The following DAGLA variants were observed in gnomAD, a reference collection of about 807,000 sequenced individuals.
The protein encoded by DAGLA is diacylglycerol lipase alpha.
In DAGLA, 22 loss-of-function variants were observed where a neutral mutation model predicts 102.6. That is an observed-to-expected ratio of 0.21 (90% CI 0.15 to 0.31). The LOEUF (loss-of-function observed/expected upper bound fraction) is 0.31. DAGLA is among the 10% of genes least tolerant of loss of function. The pLI is 1.00. For synonymous variants in DAGLA, 578 were observed against 628.9 expected (o/e 0.92, Z 1.21); for missense variants, 927 against 1,446.6 (o/e 0.64, Z 5.83).
In DAGLA at chr11:61,732,310, C is replaced by T. The variant is rs925106935; in HGVS notation, c.974+869C>T. On this transcript the variant is annotated intron_variant, in intron 9 of 19. Transcript: ENST00000257215. ...TGTCCTCAGAAAGCTGGGTGGCTCT[C>T]GGGGCCTTATTCTCACCATCCCTCC... 4.6e-5 allele frequency among the ~76,000 whole-genome samples: 7 copies of T among 152,190 alleles called. No individual in the cohort carries two copies. The East Asian group carries it at 1.2e-3, about 25-fold the overall frequency.
At chr11:61,695,577 G>A (rs931869904) in intron 1 of DAGLA, among the ~76,000 whole-genome samples, 12 of 152,206 alleles carry the variant, frequency 7.9e-5, no homozygotes, top group Admixed American at 3.9e-4. Context: ...CAGCCAACTG[G>A]TCTGGCGAGT....
In DAGLA at chr11:61,744,707, A is replaced by G; in HGVS notation, c.*218A>G. 1.9e-6 allele frequency: 1 copy of G among 532,616 alleles called. No homozygotes were observed. The highest frequency in any genetic ancestry group is 3.3e-6 in the Non-Finnish European group (1 of 303,526). The allele number at this position is 532,616 out of a possible 1,614,324, so 33.0% of individuals were successfully genotyped here. The stretch of plus-strand genomic sequence containing the variant: ...GATCTGGCCCCACAGATGGGGAAAG[A>G]TGGGGAAGGGTGTGGAGTGGGGAGG... On this transcript the variant is annotated 3_prime_UTR_variant, in exon 20 of 20. Coordinates refer to ENST00000257215, the MANE Select transcript of DAGLA (RefSeq NM_006133.3).
At chr11:61,737,824 C>CTCT in intron 15 of DAGLA, 69 bp downstream of exon 15, 1 of 1,320,332 alleles carries the variant, frequency 7.6e-7, no homozygotes, top group Admixed American at 1.7e-5. Context: ...CTCTCCCCAC[C>CTCT]CCCAGCCCCC....
intron 1 of DAGLA, among the ~76,000 whole-genome samples, chr11:61,692,816 C>T (rs1266407379): frequency 6.6e-6 from 1 of 151,516 alleles, no homozygotes; most frequent in Non-Finnish European, 1.5e-5. Flanking sequence ...TGGACTACTC[C>T]ACAATAATGA....
At chr11:61,720,303 A>C (rs1241819911) in intron 2 of DAGLA, 53 bp downstream of exon 2, 1 of 1,552,936 alleles carries the variant, frequency 6.4e-7, no homozygotes, top group Non-Finnish European at 8.9e-7. Flanking sequence ...AAAGGTCTGG[A>C]AGGACGCTTT....
At position 61,723,504 on chromosome 11, in the gene DAGLA, G is replaced by A. The variant is rs751728486; in HGVS notation, c.480G>A (p.Thr160=). The A allele has an allele frequency of 2.5e-6, 4 of 1,614,042 alleles. No homozygotes were observed. The highest frequency in any genetic ancestry group is 1.3e-5 in the African/African-American group (1 of 75,016). ...CITVLCVFDP[T]GRTFVKLRAT... Reference sequence around the variant, plus strand: ...CTGTCCTCTGCGTCTTCGACCCCACGGGCCGCACCTTTGTCAAGCTGAGAG... The same window carrying A: ...CTGTCCTCTGCGTCTTCGACCCCACAGGCCGCACCTTTGTCAAGCTGAGAG... Residue 160 remains threonine, a synonymous_variant, in exon 5 of 20, where the codon ACG becomes ACA. Coordinates refer to ENST00000257215, the MANE Select transcript of DAGLA (RefSeq NM_006133.3).
At chr11:61,687,921 C>T (rs2064998125) in intron 1 of DAGLA, among the ~76,000 whole-genome samples, 1 of 152,106 alleles carries the variant, frequency 6.6e-6, no homozygotes, top group Admixed American at 6.5e-5. Flanking sequence ...CCTCAGTTGC[C>T]CTGTCTGTAT....
chr11:61,743,404 A>ACAT (rs1038333881), intron 19 of DAGLA, 128 bp from the exon 20 acceptor site: 35 of 636,698 alleles, frequency 5.5e-5, no homozygotes, highest in Non-Finnish European at 8.2e-5. Flanking sequence ...TCCCTGCTGC[A>ACAT]CATCATCAAC....
chr11:61,728,439 C>A, intron 7 of DAGLA, 152 bp downstream of exon 7: 1 of 906,056 alleles, frequency 1.1e-6, no homozygotes, highest in East Asian at 2.6e-5. Flanking sequence ...ACCTTTACCT[C>A]TGGCTCCCCC....
intron 1 of DAGLA, among the ~76,000 whole-genome samples, chr11:61,714,565 G>A (rs2065220906): frequency 6.6e-6 from 1 of 152,272 alleles, no homozygotes; most frequent in African/African-American, 2.4e-5. Flanking sequence ...TCCCTGTGGT[G>A]ACACGCTACT....
chr11:61,699,348 G>A (rs1298394811), intron 1 of DAGLA, among the ~76,000 whole-genome samples: 1 of 152,178 alleles, frequency 6.6e-6, no homozygotes, highest in Non-Finnish European at 1.5e-5. Flanking sequence ...GAGAGTGTGT[G>A]GGCCAGACCT....
rs1166562117 is a variant in DAGLA, at chr11:61,735,683, C to T, written c.1212+39C>T. 3 of 1,611,764 alleles carry T rather than the reference C, an allele frequency of 1.9e-6. No homozygotes were observed. The South Asian group carries it at 3.3e-5, about 18-fold the overall frequency. The stretch of plus-strand genomic sequence containing the variant: ...GGCTCCCAGCCCCCGGGGGTGCCTG[C>T]CTCCCTCTTCCTGTCCTCTTTAGCC... On this transcript the variant is annotated intron_variant, in intron 11 of 19. Transcript: ENST00000257215.
At chr11:61,707,307 G>T (rs992606452) in intron 1 of DAGLA, among the ~76,000 whole-genome samples, 1 of 152,246 alleles carries the variant, frequency 6.6e-6, no homozygotes, top group Admixed American at 6.5e-5. Flanking sequence ...CAAATTCTGG[G>T]GTCAGAGGTC....
chr11:61,739,784 C>G, intron 17 of DAGLA, 123 bp downstream of exon 17: 2 of 1,008,342 alleles, frequency 2.0e-6, no homozygotes, highest in African/African-American at 3.2e-5. Context: ...AGAAGATGGC[C>G]CAGGGCCTCC....
At chr11:61,722,783 G>T (rs956127804) in intron 3 of DAGLA, 76 bp from the exon 4 acceptor site, 1 of 1,302,408 alleles carries the variant, frequency 7.7e-7, no homozygotes, top group Non-Finnish European at 1.1e-6. Flanking sequence ...GATAGGAAAG[G>T]CCAGGCCGGG....
At chr11:61,730,051 TC>T (rs1168892414) in intron 8 of DAGLA, among the ~76,000 whole-genome samples, 1 of 149,456 alleles carries the variant, frequency 6.7e-6, no homozygotes, top group Non-Finnish European at 1.5e-5. Flanking sequence ...AGCTGCACTG[TC>T]CCTTAAAAAG....
intron 1 of DAGLA, among the ~76,000 whole-genome samples, chr11:61,708,919 TTGGGTCCAGCTTTGCCC>T (rs1219300264): frequency 6.6e-6 from 1 of 152,162 alleles, no homozygotes; most frequent in Non-Finnish European, 1.5e-5. Flanking sequence ...GGCCTTGTGC[TTGGGTCCAGCTTTGCCC>T]TGCCTGGGGT....
At chr11:61,727,167 G>GTT (rs1463336502) in intron 6 of DAGLA, among the ~76,000 whole-genome samples, 1 of 152,250 alleles carries the variant, frequency 6.6e-6, no homozygotes, top group African/African-American at 2.4e-5. Context: ...TCCCAAGCAT[G>GTT]TTTTGATCAG....
chr11:61,720,300 TG>T, intron 2 of DAGLA, 50 bp downstream of exon 2: 1 of 1,557,488 alleles, frequency 6.4e-7, no homozygotes. Context: ...GAGAAAGGTC[TG>T]GAAGGACGCT....
Sources: allele counts gnomAD v4.1 joint callset (sites outside exome capture counted in the v4.1 genomes callset), GRCh38; gene constraint gnomAD v4.1.1; transcripts MANE v1.5; gene names NCBI Gene and HGNC (gene_info 2026-07-23, HGNC 2026-07-21).